Variants in ITPR2 observed in about 807,000 individuals in gnomAD.
ITPR2 encodes inositol 1,4,5-trisphosphate-gated calcium channel ITPR2.
Under a neutral mutation model 317.1 loss-of-function variants are expected in ITPR2, and 207 were observed. The ratio of observed to expected loss-of-function variants is 0.65; its 90% CI spans 0.58 to 0.73. ITPR2 has a LOEUF of 0.73. ITPR2 is among the 30% of genes least tolerant of loss of function. ITPR2 has a pLI of 0.00. For missense variants in ITPR2, 2,613 were observed against 3,284.0 expected (o/e 0.80, Z 4.99); for synonymous variants, 1,156 against 1,149.1 (o/e 1.01, Z -0.12).
At chr12:26,355,650 T>A (rs1227137463) in intron 55 of ITPR2, among the ~76,000 whole-genome samples, 2 of 152,212 alleles carry the variant, frequency 1.3e-5, no homozygotes, top group African/African-American at 4.8e-5. Context: ...CTCCTTTAAC[T>A]CTTATAAAAT....
At chr12:26,723,045 G>C (rs543382522) in intron 4 of ITPR2, among the ~76,000 whole-genome samples, 3 of 151,992 alleles carry the variant, frequency 2.0e-5, no homozygotes, top group Admixed American at 6.6e-5. Flanking sequence ...TCCTAAATAG[G>C]CTTCTACACC....
chr12:26,780,185 T>C (rs767185300), intron 2 of ITPR2, among the ~76,000 whole-genome samples: 1 of 152,224 alleles, frequency 6.6e-6, no homozygotes, highest in Non-Finnish European at 1.5e-5. Flanking sequence ...CAGCCACTGC[T>C]GAGTGCCCAA....
intron 45 of ITPR2, among the ~76,000 whole-genome samples, chr12:26,468,743 TAGTC>T (rs1309369115): frequency 2.0e-5 from 3 of 152,214 alleles, no homozygotes; most frequent in Non-Finnish European, 4.4e-5. Flanking sequence ...TATCATGTCC[TAGTC>T]AGTCATTCAT....
intron 32 of ITPR2, among the ~76,000 whole-genome samples, chr12:26,593,322 C>G (rs1248049951): frequency 1.3e-5 from 2 of 152,222 alleles, no homozygotes; most frequent in Non-Finnish European, 2.9e-5. Flanking sequence ...CTGATGCTCA[C>G]TAAAGCTTAA....
Position 26,758,888 on chromosome 12 carries a change from T to C in ITPR2, c.163+31269A>G, listed in dbSNP as rs186741524. The stretch of plus-strand genomic sequence containing the variant: ...TAAATGGAAATATATAAAAAACTTA[T>C]AGTTTTTCAAACAACAGGTTATTGA... On this transcript the variant is annotated intron_variant, in intron 2 of 56. Coordinates refer to ENST00000381340, the MANE Select transcript of ITPR2 (RefSeq NM_002223.4). 1.2e-4 allele frequency among the ~76,000 whole-genome samples: 18 copies of C among 152,348 alleles called. No individual in the cohort carries two copies. In the East Asian group the frequency reaches 2.3e-3, roughly 20 times the overall value.
chr12:26,443,459 G>T, intron 46 of ITPR2, 84 bp downstream of exon 46: 1 of 1,099,638 alleles, frequency 9.1e-7, no homozygotes, highest in Non-Finnish European at 1.3e-6. Context: ...CATTGCTCTA[G>T]AAAAAAATAT....
intron 37 of ITPR2, among the ~76,000 whole-genome samples, chr12:26,546,045 A>T (rs1326230424): frequency 6.6e-6 from 1 of 152,234 alleles, no homozygotes. Flanking sequence ...ATAATTTTTT[A>T]TTCTGTCCTT....
intron 1 of ITPR2, among the ~76,000 whole-genome samples, chr12:26,819,366 T>C (rs995643177): frequency 3.9e-5 from 6 of 152,198 alleles, no homozygotes; most frequent in African/African-American, 1.4e-4. Flanking sequence ...TCAATAGATA[T>C]GATATAAATT....
chr12:26,615,114 A>C (rs974286537), intron 26 of ITPR2, among the ~76,000 whole-genome samples: 1 of 152,210 alleles, frequency 6.6e-6, no homozygotes, highest in Non-Finnish European at 1.5e-5. Flanking sequence ...TGCTCTAAAA[A>C]TGAAGTCAAT....
chr12:26,651,939 C>A (rs1328828151), intron 21 of ITPR2, among the ~76,000 whole-genome samples: 1 of 152,140 alleles, frequency 6.6e-6, no homozygotes, highest in Non-Finnish European at 1.5e-5. Flanking sequence ...CGAAGGGGTG[C>A]CCTTCCCTTA....
At chr12:26,552,736 A>G (rs1279481818) in intron 36 of ITPR2, among the ~76,000 whole-genome samples, 1 of 152,142 alleles carries the variant, frequency 6.6e-6, no homozygotes, top group Non-Finnish European at 1.5e-5. Flanking sequence ...TTGTGGATAC[A>G]TAGTAGGCAT....
intron 18 of ITPR2, among the ~76,000 whole-genome samples, chr12:26,657,464 T>A (rs1216131844): frequency 2.0e-5 from 3 of 152,208 alleles, no homozygotes; most frequent in Admixed American, 1.3e-4. Flanking sequence ...ACAAAGCCTT[T>A]GGCTGCACAA....
At chr12:26,634,445 T>TA (rs1280178463) in intron 21 of ITPR2, among the ~76,000 whole-genome samples, 3 of 152,242 alleles carry the variant, frequency 2.0e-5, no homozygotes, top group African/African-American at 4.8e-5. Flanking sequence ...CCTACTATAA[T>TA]ATAAATTCTC....
chr12:26,392,905 T>G (rs556233214), intron 54 of ITPR2, among the ~76,000 whole-genome samples: 3 of 152,206 alleles, frequency 2.0e-5, no homozygotes, highest in Non-Finnish European at 4.4e-5. Flanking sequence ...TCTTACTGGA[T>G]CTTCAGCCTC....
chr12:26,705,062 T>TA (rs1389323093), intron 9 of ITPR2, among the ~76,000 whole-genome samples: 3 of 152,210 alleles, frequency 2.0e-5, no homozygotes, highest in African/African-American at 7.2e-5. Context: ...TACTTCCCTT[T>TA]AATGCAAAAA....
chr12:26,670,306 G>C (rs1947734718), intron 13 of ITPR2, among the ~76,000 whole-genome samples: 1 of 152,170 alleles, frequency 6.6e-6, no homozygotes. Context: ...CCCCCAGTAG[G>C]GGCAGACTGA....
At chr12:26,717,175 T>A (rs1461128714) in intron 5 of ITPR2, among the ~76,000 whole-genome samples, 1 of 152,186 alleles carries the variant, frequency 6.6e-6, no homozygotes, top group African/African-American at 2.4e-5. Context: ...TCCCTTTGTA[T>A]ATTTTATACC....
At chr12:26,537,129 G>A (rs2136972915) in intron 37 of ITPR2, among the ~76,000 whole-genome samples, 1 of 152,300 alleles carries the variant, frequency 6.6e-6, no homozygotes, top group Non-Finnish European at 1.5e-5. Flanking sequence ...TCTGGAGCGG[G>A]AGAGGAAGTG....
At chr12:26,460,466 C>T (rs879690860) in intron 45 of ITPR2, among the ~76,000 whole-genome samples, 2 of 151,752 alleles carry the variant, frequency 1.3e-5, no homozygotes, top group Non-Finnish European at 2.9e-5. Context: ...TTAACAGAAA[C>T]GAAATTAGTA....
Sources: allele counts gnomAD v4.1 joint callset (sites outside exome capture counted in the v4.1 genomes callset), GRCh38; gene constraint gnomAD v4.1.1; transcripts MANE v1.5; gene names NCBI Gene and HGNC (gene_info 2026-07-23, HGNC 2026-07-21).